CIROZ: variants seen among roughly 807,000 people sequenced by gnomAD.
CIROZ encodes the protein ciliated left-right organizer ZP-N domains-containing protein.
At chr1:10,949,012 GC>G in the CIROZ span, 1 of 545,594 alleles carries the variant, frequency 1.8e-6, no homozygotes, top group Non-Finnish European at 2.9e-6. Context: ...ATCACTTGAG[GC>G]CAGGAGTTCC....
At chr1:10,978,287 G>A in the CIROZ span, among the ~76,000 whole-genome samples, 2 of 150,698 alleles carry the variant, frequency 1.3e-5, no homozygotes, top group African/African-American at 2.4e-5. Context: ...AAGCTCAAGC[G>A]ACCCACTCAC....
the CIROZ span, chr1:10,948,009 G>A: frequency 6.2e-7 from 1 of 1,613,526 alleles, no homozygotes; most frequent in Non-Finnish European, 8.5e-7. Flanking sequence ...AACAGGTTCT[G>A]GTGGCAGAGG....
chr1:10,981,883 CA>C, the CIROZ span: 1 of 1,165,556 alleles, frequency 8.6e-7, no homozygotes, highest in South Asian at 1.5e-5. Context: ...GCCCCTCACC[CA>C]TTTGGCCCCC....
At chr1:10,968,315 T>G in the CIROZ span, among the ~76,000 whole-genome samples, 1 of 152,346 alleles carries the variant, frequency 6.6e-6, no homozygotes, top group East Asian at 1.9e-4. Context: ...TTTTAAAGCA[T>G]TTTTAAAGCT....
At chr1:10,972,908 G>A in the CIROZ span, among the ~76,000 whole-genome samples, 1 of 137,440 alleles carries the variant, frequency 7.3e-6, no homozygotes, top group Non-Finnish European at 1.6e-5. Flanking sequence ...GCAACATAGC[G>A]AGATGCCCCC....
the CIROZ span, among the ~76,000 whole-genome samples, chr1:10,951,659 A>G: frequency 6.6e-6 from 1 of 151,158 alleles, no homozygotes; most frequent in South Asian, 2.1e-4. Context: ...CAGGAGCTCA[A>G]TGTTATAATG....
chr1:10,954,083 G>A, the CIROZ span: 1 of 1,613,748 alleles, frequency 6.2e-7, no homozygotes, highest in Non-Finnish European at 8.5e-7. Context: ...CAAATTCCAG[G>A]CTCAGGTCTA....
chr1:10,977,693 G>T, the CIROZ span, among the ~76,000 whole-genome samples: 5 of 152,100 alleles, frequency 3.3e-5, no homozygotes, highest in Non-Finnish European at 2.9e-5. Flanking sequence ...AAATTTATTT[G>T]CGTGTCCATA....
the CIROZ span, chr1:10,948,951 G>C: frequency 8.8e-7 from 1 of 1,137,112 alleles, no homozygotes; most frequent in Non-Finnish European, 1.2e-6. Context: ...GGGACCGGGT[G>C]CGGTGGCTCA....
chr1:10,978,058 A>G, the CIROZ span, among the ~76,000 whole-genome samples: 3 of 151,662 alleles, frequency 2.0e-5, no homozygotes, highest in African/African-American at 4.8e-5. Context: ...AATCCCAGCT[A>G]CTCAGGAGGC....
At chr1:10,957,815 C>T in the CIROZ span, 67 of 1,540,314 alleles carry the variant, frequency 4.3e-5, no homozygotes, top group Non-Finnish European at 5.2e-5. Context: ...CTAGGGGTTA[C>T]GGAGAGGGGA....
At chr1:10,948,327 T>C in the CIROZ span, 1 of 1,613,646 alleles carries the variant, frequency 6.2e-7, no homozygotes, top group East Asian at 2.2e-5. Context: ...AGAAACCAGC[T>C]CCTCTGCAGC....
the CIROZ span, among the ~76,000 whole-genome samples, chr1:10,971,434 T>C: frequency 2.6e-5 from 4 of 151,968 alleles, no homozygotes; most frequent in Non-Finnish European, 5.9e-5. Flanking sequence ...TCCAAACACT[T>C]CCACAATCCA....
chr1:10,975,589 A>AG, the CIROZ span, among the ~76,000 whole-genome samples: 1 of 150,006 alleles, frequency 6.7e-6, no homozygotes, highest in Admixed American at 6.6e-5. Flanking sequence ...ACTCTGTCTC[A>AG]GAAAAAAAAA....
chr1:10,954,611 C>T, the CIROZ span, among the ~76,000 whole-genome samples: 1 of 152,186 alleles, frequency 6.6e-6, no homozygotes, highest in Non-Finnish European at 1.5e-5. Context: ...TCAGCCAGCG[C>T]CACAGCTCTG....
chr1:10,978,792 C>G, the CIROZ span, among the ~76,000 whole-genome samples: 1 of 151,982 alleles, frequency 6.6e-6, no homozygotes, highest in African/African-American at 2.4e-5. Context: ...AGCAAACAGT[C>G]GGAAATGAGT....
chr1:10,964,154 C>T, the CIROZ span: 85 of 1,614,002 alleles, frequency 5.3e-5, no homozygotes, highest in Middle Eastern at 3.3e-4. Flanking sequence ...CCACAGTGGA[C>T]GCTTTCCTGG....
the CIROZ span, chr1:10,969,999 C>T: frequency 1.0e-5 from 16 of 1,536,832 alleles, no homozygotes; most frequent in African/African-American, 9.6e-5. Flanking sequence ...GGCCAGCCAC[C>T]GCCTCAGCCC....
At chr1:10,949,364 C>G in the CIROZ span, 1 of 534,020 alleles carries the variant, frequency 1.9e-6, no homozygotes. Context: ...GGCTGTGTCT[C>G]AAGGCCCTGG....
Sources: gnomAD v4.1 joint callset for allele counts (sites outside exome capture counted in the v4.1 genomes callset) on GRCh38, gnomAD v4.1.1 for gene constraint, MANE v1.5 for transcripts, NCBI Gene and HGNC (gene_info 2026-07-23, HGNC 2026-07-21) for gene names.